Variants in CAST observed in about 807,000 individuals in gnomAD.
CAST encodes calpastatin, also known as MIR583 host.
Under a neutral mutation model 119.6 loss-of-function variants are expected in CAST, and 76 were observed. The ratio of observed to expected loss-of-function variants is 0.64; its 90% CI spans 0.53 to 0.77. CAST has a LOEUF of 0.77. CAST is among the 30% of genes least tolerant of loss of function. CAST has a pLI of 0.00. For missense variants in CAST, 953 were observed against 946.5 expected (o/e 1.01, Z -0.09); for synonymous variants, 319 against 331.6 (o/e 0.96, Z 0.41).
chr5:96,144,307 CT>C, the CAST span, among the ~76,000 whole-genome samples: 3 of 152,158 alleles, frequency 2.0e-5, no homozygotes, highest in Non-Finnish European at 4.4e-5. Context: ...TATAACATGA[CT>C]ACTGACTCCA....
chr5:96,441,053 G>A, the CAST span, among the ~76,000 whole-genome samples: 4 of 152,120 alleles, frequency 2.6e-5, no homozygotes, highest in Non-Finnish European at 5.9e-5. Context: ...CCTCATTTAC[G>A]GAATGAGGGT....
At chr5:95,978,353 A>G in the CAST span, among the ~76,000 whole-genome samples, 1 of 152,332 alleles carries the variant, frequency 6.6e-6, no homozygotes, top group South Asian at 2.1e-4. Flanking sequence ...GACTGGTGTG[A>G]GATGATATCT....
At chr5:96,679,335 A>T (rs929185674) in intron 2 of CAST, 1 of 152,238 alleles carries the variant, frequency 6.6e-6, no homozygotes, top group Admixed American at 6.5e-5. Flanking sequence ...GAATTACAGG[A>T]CCAAAAGTTG....
chr5:96,438,688 A>G, the CAST span, among the ~76,000 whole-genome samples: 1 of 152,190 alleles, frequency 6.6e-6, no homozygotes, highest in African/African-American at 2.4e-5. Context: ...ATGTCTAATT[A>G]CTAGTGATGT....
chr5:96,620,135 T>C (rs1022972728), intron 1 of CAST, among the ~76,000 whole-genome samples: 1 of 152,208 alleles, frequency 6.6e-6, no homozygotes, highest in Non-Finnish European at 1.5e-5. Flanking sequence ...CTGGCAGTTA[T>C]TCAGTGCTAC....
At chr5:96,160,781 C>A in the CAST span, among the ~76,000 whole-genome samples, 1 of 152,242 alleles carries the variant, frequency 6.6e-6, no homozygotes, top group East Asian at 1.9e-4. Context: ...TATTTTCTGT[C>A]TTTCTTATAA....
At chr5:96,742,492 CCTTT>C (rs942843978) in intron 15 of CAST, 159 bp from the exon 16 acceptor site, 2 of 596,416 alleles carry the variant, frequency 3.4e-6, no homozygotes, top group African/African-American at 3.7e-5. Context: ...AGTTCTTTTT[CCTTT>C]CTCTCTTTTG....
the CAST span, among the ~76,000 whole-genome samples, chr5:96,079,550 G>T: frequency 1.9e-4 from 29 of 152,042 alleles, no homozygotes; most frequent in African/African-American, 6.8e-4. Context: ...TTTGTATATG[G>T]TAAAAAGTGT....
intron 16 of CAST, among the ~76,000 whole-genome samples, chr5:96,745,070 C>T (rs567216382): frequency 6.6e-6 from 1 of 152,286 alleles, no homozygotes; most frequent in East Asian, 1.9e-4. Flanking sequence ...GTGTAACTTT[C>T]ACTGTCCACA....
At chr5:96,094,018 A>T in the CAST span, among the ~76,000 whole-genome samples, 1 of 151,704 alleles carries the variant, frequency 6.6e-6, no homozygotes, top group African/African-American at 2.4e-5. Context: ...CTTGTCTTAA[A>T]GGCATGCCTT....
chr5:96,017,760 T>G, the CAST span, among the ~76,000 whole-genome samples: 1 of 152,222 alleles, frequency 6.6e-6, no homozygotes, highest in Non-Finnish European at 1.5e-5. Context: ...AAAACTAGAA[T>G]TTAAATTTTT....
chr5:95,999,188 A>G, the CAST span, among the ~76,000 whole-genome samples: 5 of 152,004 alleles, frequency 3.3e-5, no homozygotes, highest in African/African-American at 7.2e-5. Flanking sequence ...TTCTGCTTAT[A>G]TATTTGCCTT....
the CAST span, among the ~76,000 whole-genome samples, chr5:96,145,517 G>A: frequency 1.3e-5 from 2 of 152,078 alleles, no homozygotes; most frequent in Non-Finnish European, 2.9e-5. Flanking sequence ...AGCCAAGGTT[G>A]GAGAAACAAC....
chr5:96,268,117 A>G, the CAST span, among the ~76,000 whole-genome samples: 1 of 152,228 alleles, frequency 6.6e-6, no homozygotes, highest in African/African-American at 2.4e-5. Flanking sequence ...ATTAAAACAT[A>G]CTACCAGAGA....
Position 96,757,453 on chromosome 5 carries a change from G to GGA in CAST, c.1721_1722dup (p.Lys575GlufsTer16), listed in dbSNP as rs766783509. ...TTTCCCCCCCGGATAGGATAAAGATGGAAAGCCACTCCTGCCAAAAGAGTC... is the reference window on the plus strand; with the variant it reads ...TTTCCCCCCCGGATAGGATAAAGATGGAGAAAGCCACTCCTGCCAAAAGAGTC... On this transcript the variant is annotated frameshift_variant, in exon 23 of 32. Coordinates refer to ENST00000675179, the MANE Select transcript of CAST (RefSeq NM_001750.7). LOFTEE classifies it high-confidence loss of function. 6.2e-7 allele frequency: 1 copy of GGA among 1,613,970 alleles called. No individual in the cohort carries two copies. Among genetic ancestry groups the GGA allele is most frequent in the African/African-American group, 1.3e-5 (1 of 75,036 alleles).
Position 96,534,847 on chromosome 5 carries a change from AGGAG to A in CAST, c.60+4979_60+4982del, listed in dbSNP as rs757391528. On this transcript the variant is annotated intron_variant, in intron 1 of 11. Transcript: ENST00000505143. ...AAAGAAAGAAGGAAAGAAGGAAGGA[AGGAG>A]GGAGGGAGGGAAGGAAGGAGAAAGA... 3.1e-3 allele frequency among the ~76,000 whole-genome samples: 401 copies of A among 129,754 alleles called. 4 individuals are homozygous for A. Among genetic ancestry groups the A allele is most frequent in the African/African-American group, 9.5e-3 (339 of 35,790 alleles). The allele number at this position is 129,754 out of a possible 152,430, so 85.1% of individuals were successfully genotyped here.
chr5:96,143,881 T>A, the CAST span, among the ~76,000 whole-genome samples: 1 of 152,242 alleles, frequency 6.6e-6, no homozygotes, highest in African/African-American at 2.4e-5. Flanking sequence ...ATGTTATTTT[T>A]AAATTTTTAT....
Position 96,754,168 on chromosome 5 carries a change from G to C in CAST, c.1626+7G>C, listed in dbSNP as rs1003916434. ...TGTGATGGATAAAGTCAAGGTAATG[G>C]CAACTGAGATGCTTCTGGAAAATAA... On this transcript the variant is annotated splice_region_variant and intron_variant, in intron 21 of 31. Coordinates refer to ENST00000675179, the MANE Select transcript of CAST (RefSeq NM_001750.7). 1 of 1,509,658 alleles carries C rather than the reference G, an allele frequency of 6.6e-7. No homozygotes were observed. The highest frequency in any genetic ancestry group is 1.4e-5 in the African/African-American group (1 of 72,912). 93.5% of individuals were successfully genotyped at this position (1,509,658 alleles called of 1,614,324 possible). A position where few individuals can be genotyped will look rare whatever the true frequency, so the allele number is the denominator to read the frequency against.
At chr5:96,009,938 A>T in the CAST span, among the ~76,000 whole-genome samples, 1 of 152,182 alleles carries the variant, frequency 6.6e-6, no homozygotes, top group Admixed American at 6.5e-5. Context: ...CTTACATATA[A>T]GTCTTCAATC....
Sources: gnomAD v4.1 joint callset for allele counts (sites outside exome capture counted in the v4.1 genomes callset) on GRCh38, gnomAD v4.1.1 for gene constraint, MANE v1.5 for transcripts, NCBI Gene and HGNC (gene_info 2026-07-23, HGNC 2026-07-21) for gene names.